MYOM2: variants seen among roughly 807,000 people sequenced by gnomAD.
MYOM2 encodes the protein myomesin 2.
Under a neutral mutation model 187.6 loss-of-function variants are expected in MYOM2, and 254 were observed. The observed-to-expected ratio is 1.35, with a 90% CI of 1.22 to 1.50. The LOEUF is 1.50. Among genes scored for constraint, MYOM2 ranks in the 40% most tolerant of loss-of-function variants. MYOM2 has a pLI of 0.00. For synonymous variants in MYOM2, 981 were observed against 753.8 expected (o/e 1.30, Z -4.94); for missense variants, 2,796 against 1,924.0 (o/e 1.45, Z -8.48).
At chr8:2,054,922 A>G (rs1818607380) in intron 3 of MYOM2, among the ~76,000 whole-genome samples, 1 of 124,610 alleles carries the variant, frequency 8.0e-6, no homozygotes, top group Non-Finnish European at 1.9e-5. Flanking sequence ...CTGGGGAACC[A>G]AGTACCTGGA....
At chr8:2,106,766 C>T (rs934010451) in intron 23 of MYOM2, among the ~76,000 whole-genome samples, 169 bp downstream of exon 23, 1 of 152,238 alleles carries the variant, frequency 6.6e-6, no homozygotes, top group African/African-American at 2.4e-5. Flanking sequence ...ATTAAACAAA[C>T]TCTAAAGTTT....
chr8:2,096,933 G>A (rs578211002), intron 18 of MYOM2: 1 of 165,642 alleles, frequency 6.0e-6, no homozygotes, highest in South Asian at 2.0e-4. Context: ...AGTGTGGCAA[G>A]GACATCGACT....
chr8:2,126,583 T>C (rs560164888), intron 31 of MYOM2, among the ~76,000 whole-genome samples: 16 of 152,116 alleles, frequency 1.1e-4, no homozygotes, highest in African/African-American at 3.6e-4. Context: ...CACTGATGCA[T>C]ACAGACTCAT....
chr8:2,096,234 T>C lies in MYOM2; in HGVS notation c.2126-13T>C, dbSNP rs765176222. 1 of 1,608,510 alleles carries C rather than the reference T, an allele frequency of 6.2e-7. No individual in the cohort carries two copies. The highest frequency in any genetic ancestry group is 8.5e-7 in the Non-Finnish European group (1 of 1,176,204). On this transcript the variant is annotated splice_polypyrimidine_tract_variant and intron_variant, in intron 17 of 36. Transcript: ENST00000262113. ...GAGGCCCTCGGTAACTCCCTGGTTG[T>C]GCTTCCTTGCAGCCGTCCCGTCCCA...
In MYOM2 at chr8:2,109,414, A is replaced by G. The variant is rs1174889162; in HGVS notation, c.3063A>G (p.Glu1021=). 1 of 1,609,452 alleles carries G rather than the reference A, an allele frequency of 6.2e-7. No individual in the cohort carries two copies. The highest frequency in any genetic ancestry group is 2.2e-5 in the East Asian group (1 of 44,576). ...CTGTAGCAATTCCTCTGAAATCGGA[A>G]TTAGCTTATGAGATTTTTGATAAGG... The part of the protein sequence containing the change: ...IKNPTIPLKS[E]LAYEIFDKGR... The change falls in exon 25 of 37, where the codon GAA becomes GAG. Residue 1021 remains glutamate (E), a synonymous_variant. Coordinates refer to ENST00000262113, the MANE Select transcript of MYOM2 (RefSeq NM_003970.4).
At chr8:2,096,487 T>C (rs1796490916) in intron 18 of MYOM2, 53 bp downstream of exon 18, 1 of 1,564,384 alleles carries the variant, frequency 6.4e-7, no homozygotes, top group African/African-American at 1.4e-5. Context: ...TTCTTTACAT[T>C]TTTGGCAATG....
chr8:2,096,584 C>G (rs1448925531), intron 18 of MYOM2, 150 bp downstream of exon 18: 1 of 802,542 alleles, frequency 1.2e-6, no homozygotes, highest in Non-Finnish European at 2.0e-6. Context: ...AGTTTTGGAG[C>G]TAAAAAGATC....
chr8:2,082,130 G>A (rs1292851462), intron 13 of MYOM2: 5 of 152,214 alleles, frequency 3.3e-5, no homozygotes, highest in Non-Finnish European at 5.9e-5. Context: ...GTTCTCTGAC[G>A]TGACGCTTTG....
In MYOM2 at chr8:2,117,962, C is replaced by T; in HGVS notation, c.3453+10C>T. ...TCGACTTGTTTGCAAGGTGAGAAAC[C>T]CGGTTCTAACAGGAAAACAATAAAT... On this transcript the variant is annotated intron_variant, in intron 28 of 36. Transcript: ENST00000262113. 6.2e-7 allele frequency: 1 copy of T among 1,609,970 alleles called. No homozygotes were observed. Among genetic ancestry groups the T allele is most frequent in the Admixed American group, 1.7e-5 (1 of 59,590 alleles).
chr8:2,127,132 G>A (rs897856447), intron 31 of MYOM2, among the ~76,000 whole-genome samples: 1 of 151,946 alleles, frequency 6.6e-6, no homozygotes, highest in African/African-American at 2.4e-5. Flanking sequence ...AATTTGAGCA[G>A]AGGGAAGGGG....
chr8:2,133,702 C>A (rs1456508113), intron 32 of MYOM2, among the ~76,000 whole-genome samples: 5 of 152,192 alleles, frequency 3.3e-5, no homozygotes, highest in Non-Finnish European at 7.4e-5. Context: ...CTCAGGTGAT[C>A]CACCTGCCTC....
At chr8:2,091,218 T>C (rs1259200223) in intron 15 of MYOM2, among the ~76,000 whole-genome samples, 1 of 152,058 alleles carries the variant, frequency 6.6e-6, no homozygotes, top group Non-Finnish European at 1.5e-5. Context: ...AAAAAAATTT[T>C]TGTTTTGTAG....
rs764028180 is a variant in MYOM2 at position 2,057,321 on chromosome 8, A to G, written c.264-27A>G. On this transcript the variant is annotated intron_variant, in intron 3 of 36. Transcript: ENST00000262113. ...CGTGGTTTTCTTCGTGACTCCTGCA[A>G]CTGAGGCTGCTTCTCGGCTCCTGCA... is the stretch of plus-strand genomic sequence containing the variant. 9.2e-5 allele frequency: 146 copies of G among 1,585,350 alleles called. 1 individual carries two copies. In the Middle Eastern group the frequency reaches 1.2e-3, roughly 13 times the overall value.
At position 2,101,072 on chromosome 8, in the gene MYOM2, G is replaced by C. The variant is rs200415367; in HGVS notation, c.2619+18G>C. 6.2e-7 allele frequency: 1 copy of C among 1,612,526 alleles called. No individual in the cohort carries two copies. The highest frequency in any genetic ancestry group is 1.7e-5 in the Admixed American group (1 of 59,896). ...ATTTAAAGGTAAGTCTTGGCCGGCT[G>C]TGGTGGCTCATGCCTGTAATCCCAG... On this transcript the variant is annotated intron_variant, in intron 20 of 36. Coordinates refer to ENST00000262113, the MANE Select transcript of MYOM2 (RefSeq NM_003970.4).
rs564565822 is a variant in MYOM2, at chr8:2,086,689, T to C, written c.1644+1299T>C. Among the ~76,000 whole-genome samples, 5 of 152,380 alleles carry C rather than the reference T, an allele frequency of 3.3e-5. No homozygotes were observed. In the South Asian group the frequency reaches 1.0e-3, roughly 32 times the overall value. On this transcript the variant is annotated intron_variant, in intron 14 of 36. Transcript: ENST00000262113. ...TTGCGTCCTAGCTGGGCGTTGCCCC[T>C]CGGTGTGAGCAGGGAGTCGCTTCCC... is the stretch of plus-strand genomic sequence containing the variant.
chr8:2,084,096 T>C (rs1460967940), intron 13 of MYOM2, among the ~76,000 whole-genome samples: 2 of 152,246 alleles, frequency 1.3e-5, no homozygotes, highest in African/African-American at 4.8e-5. Context: ...CGGCAAGTGT[T>C]ACAGAAAGAT....
At chr8:2,093,080 G>A (rs1336592608) in intron 16 of MYOM2, among the ~76,000 whole-genome samples, 1 of 152,084 alleles carries the variant, frequency 6.6e-6, no homozygotes. Context: ...AGGTTATTAG[G>A]CTTCTCTGCG....
chr8:2,069,310 C>T lies in MYOM2; in HGVS notation c.686C>T (p.Ala229Val), dbSNP rs145713784. The change falls in exon 7 of 37, where the codon GCA (alanine) becomes GTA (valine). Residue 229 changes from alanine (A) to valine (V), a missense_variant. Coordinates refer to ENST00000262113, the MANE Select transcript of MYOM2 (RefSeq NM_003970.4). ...TTTGACGACACTGCGACATACTCAGCAGTGGCCACCAATGCCCACGGACAA... is the reference window on the plus strand; with the variant it reads ...TTTGACGACACTGCGACATACTCAGTAGTGGCCACCAATGCCCACGGACAA... Reference protein sequence around the residue: ...ADFDDTATYSAVATNAHGQVS... With the variant: ...ADFDDTATYSVVATNAHGQVS... 1.4e-4 allele frequency: 233 copies of T among 1,613,630 alleles called. 1 individual carries two copies. The highest frequency in any genetic ancestry group is 5.1e-4 in the African/African-American group (38 of 75,054).
Position 2,078,747 on chromosome 8 carries a change from A to C in MYOM2, c.1276A>C (p.Thr426Pro). Residue 426 changes from threonine (T) to proline (P), a missense_variant, in exon 12 of 37, where the codon ACG (threonine) becomes CCG (proline). Coordinates refer to ENST00000262113, the MANE Select transcript of MYOM2 (RefSeq NM_003970.4). ...GYFVDRCEVG[T>P]NNWVQCNDAP... ...TTTAACTTGAAGATGTGAAGTAGGA[A>C]CGAATAATTGGGTGCAGTGCAATGA... 6.2e-7 allele frequency: 1 copy of C among 1,614,122 alleles called. No individual in the cohort carries two copies. The highest frequency in any genetic ancestry group is 8.5e-7 in the Non-Finnish European group (1 of 1,180,014).
Sources: allele counts gnomAD v4.1 joint callset (sites outside exome capture counted in the v4.1 genomes callset), GRCh38; gene constraint gnomAD v4.1.1; transcripts MANE v1.5; gene names NCBI Gene and HGNC (gene_info 2026-07-23, HGNC 2026-07-21).